The following CRIPT variants were observed in gnomAD, a reference collection of about 807,000 sequenced individuals.
CRIPT encodes cysteine-rich PDZ-binding protein.
CRIPT carries 20 observed loss-of-function variants against 16.6 expected under a neutral mutation model. The observed-to-expected ratio is 1.20, with a 90% CI of 0.85 to 1.75. CRIPT has a LOEUF of 1.75. CRIPT is among the 40% of genes most tolerant of loss of function. The pLI, the probability that CRIPT is intolerant of heterozygous loss-of-function variation, is 0.00. For synonymous variants in CRIPT, 42 were observed against 37.0 expected, an observed-to-expected ratio of 1.14 and a Z score of -0.49; for missense variants, 133 against 115.3, an observed-to-expected ratio of 1.15 and a Z score of -0.70.
In CRIPT at chr2:46,626,656, C is replaced by T. The variant is rs1039457920; in HGVS notation, c.*2429C>T. On this transcript the variant is annotated 3_prime_UTR_variant, in exon 5 of 5. Transcript: ENST00000238892. ...TATTTTTTTGACTTTTTGATAATAG[C>T]CATTCTGACTGGTGTGAGATTGTAA... is the stretch of plus-strand genomic sequence containing the variant. Among the ~76,000 whole-genome samples the T allele has an allele frequency of 6.6e-6, 1 of 152,124 alleles. No homozygotes were observed. The highest frequency in any genetic ancestry group is 2.4e-5 in the African/African-American group (1 of 41,394).
chr2:46,618,431 T>G (rs1280068711), intron 1 of CRIPT, among the ~76,000 whole-genome samples: 2 of 152,214 alleles, frequency 1.3e-5, no homozygotes, highest in Admixed American at 1.3e-4. Context: ...AAATTGTGTC[T>G]GATTCATCAC....
chr2:46,617,220 G>C lies in CRIPT; in HGVS notation c.-63G>C, dbSNP rs1177324025. The C allele has an allele frequency of 6.5e-7, 1 of 1,550,018 alleles. No individual in the cohort carries two copies. Among genetic ancestry groups the C allele is most frequent in the African/African-American group, 1.4e-5 (1 of 73,124 alleles). ...AAGGGGAATACTTCCAAGTTGTAGT[G>C]TTGTTGTTTTCAGCCTGCTGCTGCT... On this transcript the variant is annotated 5_prime_UTR_variant, in exon 1 of 5. Transcript: ENST00000238892.
rs1670752243 is a variant in CRIPT at position 46,619,485 on chromosome 2, G to C, written c.83-142G>C. On this transcript the variant is annotated intron_variant, in intron 2 of 4. Transcript: ENST00000238892. ...CTAATAAATATTTTCTTTTTAAGCA[G>C]TATCTTAATAACCTATTAAATGAGG... The C allele has an allele frequency of 1.2e-5, 6 of 516,076 alleles. No homozygotes were observed. The East Asian group carries it at 1.7e-4, about 14-fold the overall frequency. The allele number at this position is 516,076 out of a possible 1,614,324, so 32.0% of individuals were successfully genotyped here.
At position 46,629,520 on chromosome 2, in the gene CRIPT, C is replaced by T. The variant is rs1050420510; in HGVS notation, c.*5293C>T. ...AACCCTCTAATCTGGAGCAGTTCCT[C>T]AGCTTTTCTTTGTTTTTTATAATAG... is the stretch of plus-strand genomic sequence containing the variant. On this transcript the variant is annotated 3_prime_UTR_variant, in exon 5 of 5. Transcript: ENST00000238892. Among the ~76,000 whole-genome samples, 2 of 152,162 alleles carry T rather than the reference C, an allele frequency of 1.3e-5. No individual in the cohort carries two copies. The highest frequency in any genetic ancestry group is 2.4e-5 in the African/African-American group (1 of 41,446).
rs1399461341 is a variant in CRIPT, at chr2:46,630,143, C to G, written c.*5916C>G. Reference sequence around the variant, plus strand: ...TCCTGCATAGCCATAGCACAATTACCAAAATCAGAAAATTAACATTAATAC... The same window carrying G: ...TCCTGCATAGCCATAGCACAATTACGAAAATCAGAAAATTAACATTAATAC... On this transcript the variant is annotated 3_prime_UTR_variant, in exon 5 of 5. Coordinates refer to ENST00000238892, the MANE Select transcript of CRIPT (RefSeq NM_014171.6). Among the ~76,000 whole-genome samples, 2 of 150,554 alleles carry G rather than the reference C, an allele frequency of 1.3e-5. No homozygotes were observed. Among genetic ancestry groups the G allele is most frequent in the African/African-American group, 4.9e-5 (2 of 40,890 alleles).
At position 46,625,220 on chromosome 2, in the gene CRIPT, G is replaced by A. The variant is rs1670907608; in HGVS notation, c.*993G>A. 1 of 151,368 alleles carries A rather than the reference G, an allele frequency of 6.6e-6. No homozygotes were observed. Among genetic ancestry groups the A allele is most frequent in the African/African-American group, 2.4e-5 (1 of 41,200 alleles). 9.4% of individuals were successfully genotyped at this position (151,368 alleles called of 1,614,324 possible). On this transcript the variant is annotated 3_prime_UTR_variant, in exon 5 of 5. Coordinates refer to ENST00000238892, the MANE Select transcript of CRIPT (RefSeq NM_014171.6). ...CTAAGTAGCTGGGGACTACAGGCGT[G>A]TGCCACTGTGCTCAGCTAGTTTTTA...
In CRIPT at chr2:46,624,506, C is replaced by T. The variant is rs1044225966; in HGVS notation, c.*279C>T. 4.4e-6 allele frequency: 1 copy of T among 226,052 alleles called. No individual in the cohort carries two copies. The highest frequency in any genetic ancestry group is 8.6e-6 in the Non-Finnish European group (1 of 116,302). The allele number at this position is 226,052 out of a possible 1,614,324, so 14.0% of individuals were successfully genotyped here. A position where few individuals can be genotyped will look rare whatever the true frequency, so the allele number is the denominator to read the frequency against. The stretch of plus-strand genomic sequence containing the variant: ...GTATGCACTTTTATTTAACATTATT[C>T]ATATAATTCTCCCCCCACCACTTTA... On this transcript the variant is annotated 3_prime_UTR_variant, in exon 5 of 5. Coordinates refer to ENST00000238892, the MANE Select transcript of CRIPT (RefSeq NM_014171.6).
rs1032301191 is a variant in CRIPT at position 46,626,061 on chromosome 2, A to G, written c.*1834A>G. Among the ~76,000 whole-genome samples, 1 of 152,172 alleles carries G rather than the reference A, an allele frequency of 6.6e-6. No homozygotes were observed. The highest frequency in any genetic ancestry group is 1.5e-5 in the Non-Finnish European group (1 of 68,022). ...ATCCTGTCACCCAGGTAGTGAGCAT[A>G]GAGTCCAACAGGTGGTTTTTCACCC... On this transcript the variant is annotated 3_prime_UTR_variant, in exon 5 of 5. Coordinates refer to ENST00000238892, the MANE Select transcript of CRIPT (RefSeq NM_014171.6).
chr2:46,621,150 A>G (rs528243151), intron 3 of CRIPT, among the ~76,000 whole-genome samples: 40 of 152,156 alleles, frequency 2.6e-4, no homozygotes, highest in Non-Finnish European at 5.1e-4. Flanking sequence ...GTGATCCTTT[A>G]CAAAGTTCCT....
intron 1 of CRIPT, among the ~76,000 whole-genome samples, chr2:46,617,813 C>T (rs1670702810): frequency 6.6e-6 from 1 of 151,938 alleles, no homozygotes; most frequent in African/African-American, 2.4e-5. Flanking sequence ...AACTTAAAAC[C>T]TTTAATAAAT....
chr2:46,617,366 T>G, intron 1 of CRIPT, 68 bp downstream of exon 1: 1 of 1,515,036 alleles, frequency 6.6e-7, no homozygotes, highest in Non-Finnish European at 8.9e-7. Flanking sequence ...TCCCGGGAAC[T>G]TTGCTTTCTC....
In CRIPT at chr2:46,629,130, A is replaced by T. The variant is rs1671012146; in HGVS notation, c.*4903A>T. Among the ~76,000 whole-genome samples, 1 of 152,230 alleles carries T rather than the reference A, an allele frequency of 6.6e-6. No homozygotes were observed. The highest frequency in any genetic ancestry group is 6.5e-5 in the Admixed American group (1 of 15,284). On this transcript the variant is annotated 3_prime_UTR_variant, in exon 5 of 5. Transcript: ENST00000238892. The stretch of plus-strand genomic sequence containing the variant: ...CAAAAGTTTTTGTATCCATGTGGAA[A>T]ACACAGGAAGCTAATAGTACTGTTT...
chr2:46,617,325 A>G (rs1225177618), intron 1 of CRIPT, 27 bp downstream of exon 1: 1 of 1,552,622 alleles, frequency 6.4e-7, no homozygotes, highest in Non-Finnish European at 8.7e-7. Context: ...CTTCTGCGGG[A>G]GGAGGAGGCT....
Position 46,625,548 on chromosome 2 carries a change from C to T in CRIPT, c.*1321C>T. 1 of 151,904 alleles carries T rather than the reference C, an allele frequency of 6.6e-6. No homozygotes were observed. The highest frequency in any genetic ancestry group is 1.5e-5 in the Non-Finnish European group (1 of 67,998). The allele number at this position is 151,904 out of a possible 1,614,324, so 9.4% of individuals were successfully genotyped here. A position where few individuals can be genotyped will look rare whatever the true frequency, so the allele number is the denominator to read the frequency against. ...CAGTATGTATAAATACATATCACTACAAAATGTATAGAAAGTGTGATGAGA... is the reference window on the plus strand; with the variant it reads ...CAGTATGTATAAATACATATCACTATAAAATGTATAGAAAGTGTGATGAGA... On this transcript the variant is annotated 3_prime_UTR_variant, in exon 5 of 5. Coordinates refer to ENST00000238892, the MANE Select transcript of CRIPT (RefSeq NM_014171.6).
In CRIPT at chr2:46,629,107, A is replaced by G. The variant is rs776445905; in HGVS notation, c.*4880A>G. On this transcript the variant is annotated 3_prime_UTR_variant, in exon 5 of 5. Coordinates refer to ENST00000238892, the MANE Select transcript of CRIPT (RefSeq NM_014171.6). ...GATAGAAGAATTACATATGTGTGCA[A>G]AAGTTTTTGTATCCATGTGGAAAAC... is the stretch of plus-strand genomic sequence containing the variant. Among the ~76,000 whole-genome samples the G allele has an allele frequency of 4.3e-4, 66 of 152,202 alleles. No homozygotes were observed. The highest frequency in any genetic ancestry group is 7.8e-4 in the Non-Finnish European group (53 of 68,024).
intron 1 of CRIPT, among the ~76,000 whole-genome samples, chr2:46,617,656 C>G (rs1356407750): frequency 6.6e-6 from 1 of 152,180 alleles, no homozygotes; most frequent in Admixed American, 6.6e-5. Flanking sequence ...AAGTATTGTT[C>G]TCCTGCCAAA....
chr2:46,623,857 C>G lies in CRIPT; in HGVS notation c.231C>G (p.Ala77=). Residue 77 remains alanine (A), a synonymous_variant, in exon 4 of 5, where the codon GCC becomes GCG. Transcript: ENST00000238892. The part of the protein sequence containing the change: ...QPGSHYCQGC[A]YKKGICAMCG... ...GTTCTCATTACTGCCAGGGCTGTGC[C>G]TACAAAAAAGGTAAGTTTCTTTTAA... 1.9e-6 allele frequency: 3 copies of G among 1,596,632 alleles called. No homozygotes were observed. The highest frequency in any genetic ancestry group is 2.3e-5 in the South Asian group (2 of 88,208).
At chr2:46,618,957 A>G (rs1670738330) in intron 2 of CRIPT, 119 bp downstream of exon 2, 2 of 605,884 alleles carry the variant, frequency 3.3e-6, no homozygotes, top group Admixed American at 6.7e-5. Context: ...TCTATTAAAC[A>G]TTAAAGAATA....
intron 4 of CRIPT, 136 bp from the exon 5 acceptor site, chr2:46,624,027 A>T: frequency 5.7e-6 from 2 of 352,272 alleles, no homozygotes; most frequent in Non-Finnish European, 9.4e-6. Flanking sequence ...AATTAAAATT[A>T]TATATATATA....
Sources: allele counts gnomAD v4.1 joint callset (sites outside exome capture counted in the v4.1 genomes callset), GRCh38; gene constraint gnomAD v4.1.1; transcripts MANE v1.5; gene names NCBI Gene and HGNC (gene_info 2026-07-23, HGNC 2026-07-21).